GTF3C3: variants seen among roughly 807,000 people sequenced by gnomAD.
GTF3C3 encodes the protein general transcription factor IIIC subunit 3.
Under a neutral mutation model 105.2 loss-of-function variants are expected in GTF3C3, and 75 were observed. The observed-to-expected ratio is 0.71, with a 90% confidence interval of 0.59 to 0.86. The LOEUF is 0.86. GTF3C3 is among the 40% of genes least tolerant of loss of function. The pLI is 0.00. For missense variants in GTF3C3, 856 were observed against 1,076.5 expected, an observed-to-expected ratio of 0.80 and a Z score of 2.87; for synonymous variants, 335 against 370.4, an observed-to-expected ratio of 0.90 and a Z score of 1.10.
Position 196,775,159 on chromosome 2 carries a change from T to C in GTF3C3, c.1788A>G (p.Ile596Met), listed in dbSNP as rs1437123086. Residue 596 changes from isoleucine (I) to methionine (M), a missense_variant, in exon 13 of 18, where the codon ATA (isoleucine) becomes ATG (methionine). This residue lies in a region of GTF3C3 where 605 missense variants were observed against 833.6 expected (regional missense o/e 0.73). Transcript: ENST00000263956. The stretch of plus-strand genomic sequence containing the variant: ...CTGACTCTTGGTCATTGCTGTCTGA[T>C]ATTTTGTCTCTCGATACTTTAATAA... ...LYLIKVSRDK[I>M]SDSNDQESAN... 3 of 1,613,256 alleles carry C rather than the reference T, an allele frequency of 1.9e-6. No individual in the cohort carries two copies. Among genetic ancestry groups the C allele is most frequent in the East Asian group, 2.2e-5 (1 of 44,840 alleles).
Position 196,784,926 on chromosome 2 carries a change from T to A in GTF3C3, c.1045A>T (p.Ile349Phe). The change falls in exon 8 of 18, where the codon ATT becomes TTT. Residue 349 changes from isoleucine (I) to phenylalanine (F), a missense_variant. Ile to Phe is a conservative substitution (Grantham distance 21). Coordinates refer to ENST00000263956, the MANE Select transcript of GTF3C3 (RefSeq NM_012086.5). The stretch of plus-strand genomic sequence containing the variant: ...AGCACAATTCCAGAAAAATCTGTAA[T>A]TATCTAAAAGAATGGGAAAGAAGAA... ...NKQYDKALEI[I>F]TDFSGIVLEK... is the part of the protein sequence containing the mutation. 1 of 1,591,344 alleles carries A rather than the reference T, an allele frequency of 6.3e-7. No individual in the cohort carries two copies. Among genetic ancestry groups the A allele is most frequent in the Non-Finnish European group, 8.6e-7 (1 of 1,161,014 alleles).
intron 8 of GTF3C3, among the ~76,000 whole-genome samples, chr2:196,781,355 A>ATATATAT (rs1442698575): frequency 0.016 from 491 of 30,850 alleles, 2 homozygotes; most frequent in Non-Finnish European, 0.028. Flanking sequence ...AAAAAAAAAA[A>ATATATAT]AAATATATAT....
At chr2:196,775,581 C>G (rs532146657) in intron 12 of GTF3C3, among the ~76,000 whole-genome samples, 1 of 152,222 alleles carries the variant, frequency 6.6e-6, no homozygotes, top group African/African-American at 2.4e-5. Flanking sequence ...GGGTCACATT[C>G]CTCACCTCAG....
rs1699021972 is a variant in GTF3C3, at chr2:196,764,362, G to A, written c.*201C>T. On this transcript the variant is annotated 3_prime_UTR_variant, in exon 18 of 18. Coordinates refer to ENST00000263956, the MANE Select transcript of GTF3C3 (RefSeq NM_012086.5). ...TATAGAATGTGAAAGGAAAATGACA[G>A]ACCAATATACAAATTTTTGTAGGAA... 8.9e-6 allele frequency: 4 copies of A among 451,570 alleles called. No homozygotes were observed. The highest frequency in any genetic ancestry group is 7.8e-6 in the Non-Finnish European group (2 of 257,522). 28.0% of individuals were successfully genotyped at this position (451,570 alleles called of 1,614,324 possible). A position where few individuals can be genotyped will look rare whatever the true frequency, so the allele number is the denominator to read the frequency against.
In GTF3C3 at chr2:196,764,460, A is replaced by AC; in HGVS notation, c.*102_*103insG. ...ATACACTGTTTGTTAGGTAATTCTG[A>AC]AATTGTCATTTCTATTTTGGAGTTA... On this transcript the variant is annotated 3_prime_UTR_variant, in exon 18 of 18. Transcript: ENST00000263956. 1 of 1,044,564 alleles carries AC rather than the reference A, an allele frequency of 9.6e-7. No individual in the cohort carries two copies. Among genetic ancestry groups the AC allele is most frequent in the Non-Finnish European group, 1.3e-6 (1 of 740,750 alleles). The allele number at this position is 1,044,564 out of a possible 1,614,324, so 64.7% of individuals were successfully genotyped here.
chr2:196,768,748 T>G (rs1699116477), intron 16 of GTF3C3, among the ~76,000 whole-genome samples: 1 of 152,126 alleles, frequency 6.6e-6, no homozygotes, highest in African/African-American at 2.4e-5. Context: ...AACCTCCTAT[T>G]TAACTATAAA....
At chr2:196,768,607 C>T (rs1699114486) in intron 16 of GTF3C3, among the ~76,000 whole-genome samples, 1 of 152,002 alleles carries the variant, frequency 6.6e-6, no homozygotes. Context: ...AGAAATGATG[C>T]TATTTACAAT....
rs183004930 is a variant in GTF3C3, at chr2:196,790,498, C to T, written c.536-428G>A. On this transcript the variant is annotated intron_variant, in intron 4 of 17. Transcript: ENST00000263956. Reference sequence around the variant, plus strand: ...AGATGATACCTAAGCAGCAGCTAAACGGATATCAAAGTGACTGGCTAATCT... The same window carrying T: ...AGATGATACCTAAGCAGCAGCTAAATGGATATCAAAGTGACTGGCTAATCT... Among the ~76,000 whole-genome samples, 80 of 152,226 alleles carry T rather than the reference C, an allele frequency of 5.3e-4. 1 individual carries two copies. Among genetic ancestry groups the T allele is most frequent in the Admixed American group, 2.9e-3 (44 of 15,282 alleles).
At chr2:196,785,646 T>C in intron 6 of GTF3C3, 58 bp from the exon 7 acceptor site, 1 of 1,069,618 alleles carries the variant, frequency 9.3e-7, no homozygotes, top group Non-Finnish European at 1.4e-6. Context: ...TAAAACTCAT[T>C]TCCTTGCTTA....
At chr2:196,788,805 G>T (rs913280090) in intron 6 of GTF3C3, among the ~76,000 whole-genome samples, 1 of 152,108 alleles carries the variant, frequency 6.6e-6, no homozygotes, top group African/African-American at 2.4e-5. Context: ...TGGCTCATAT[G>T]TGTAATCCTA....
chr2:196,777,351 C>T (rs1249729722), intron 10 of GTF3C3, among the ~76,000 whole-genome samples: 1 of 152,192 alleles, frequency 6.6e-6, no homozygotes, highest in East Asian at 1.9e-4. Flanking sequence ...TCATCCCACT[C>T]AATTAGTTCC....
chr2:196,773,800 C>T (rs1211441697), intron 13 of GTF3C3: 9 of 264,080 alleles, frequency 3.4e-5, no homozygotes, highest in South Asian at 1.2e-4. Flanking sequence ...CTAGATCCCT[C>T]GCATGGGCAG....
At position 196,764,631 on chromosome 2, in the gene GTF3C3, G is replaced by C. The variant is rs769699867; in HGVS notation, c.2593C>G (p.Leu865Val). Residue 865 changes from leucine (L) to valine (V), a missense_variant, in exon 18 of 18, where the codon CTC becomes GTC. Physicochemically the swap from Leu to Val is conservative, Grantham distance 32 (BLOSUM62 1). This residue lies in a region of GTF3C3 where 134 missense variants were observed against 128.9 expected (regional missense o/e 1.04). Transcript: ENST00000263956. ...GTATTCCCACTGCTCTGATAGATGA[G>C]AGACAAGTTGTAGGCAATATCTCTT... ...LRRDIAYNLS[L>V]IYQSSGNTGM... The C allele has an allele frequency of 6.8e-6, 11 of 1,612,678 alleles. No individual in the cohort carries two copies. In the East Asian group the frequency reaches 1.6e-4, roughly 23 times the overall value.
intron 1 of GTF3C3, 41 bp downstream of exon 1, chr2:196,799,469 G>A (rs1279614974): frequency 2.7e-6 from 4 of 1,458,458 alleles, no homozygotes; most frequent in Non-Finnish European, 2.9e-6. Flanking sequence ...GGGTATGAAG[G>A]CAACAAGAGT....
At chr2:196,788,917 A>G (rs993917626) in intron 6 of GTF3C3, among the ~76,000 whole-genome samples, 1 of 152,098 alleles carries the variant, frequency 6.6e-6, no homozygotes, top group Non-Finnish European at 1.5e-5. Flanking sequence ...AAAATTAAAA[A>G]TTAGCCGGGT....
chr2:196,791,615 A>G (rs1699550256), intron 3 of GTF3C3, among the ~76,000 whole-genome samples, 155 bp from the exon 4 acceptor site: 1 of 152,176 alleles, frequency 6.6e-6, no homozygotes, highest in South Asian at 2.1e-4. Flanking sequence ...TGCAATTCTA[A>G]TTGACTCTTT....
At chr2:196,780,815 A>T (rs775154842) in intron 8 of GTF3C3, 153 bp from the exon 9 acceptor site, 2 of 868,480 alleles carry the variant, frequency 2.3e-6, no homozygotes, top group Non-Finnish European at 3.3e-6. Flanking sequence ...TATCTCTCTC[A>T]GTCTGTCCTT....
chr2:196,775,151 C>A lies in GTF3C3; in HGVS notation c.1796G>T (p.Ser599Ile). Residue 599 changes from serine to isoleucine, a missense_variant, in exon 13 of 18, where the codon AGC becomes ATC. Around this residue, in one of 3 missense-constraint regions of GTF3C3, gnomAD observed 605 missense variants for 833.6 expected, o/e 0.73. Coordinates refer to ENST00000263956, the MANE Select transcript of GTF3C3 (RefSeq NM_012086.5). ...IKVSRDKISDSNDQESANCDA... is the reference protein window; with the variant it reads ...IKVSRDKISDINDQESANCDA... ...ACAATTTGCTGACTCTTGGTCATTG[C>A]TGTCTGATATTTTGTCTCTCGATAC... is the stretch of plus-strand genomic sequence containing the variant. 6.2e-7 allele frequency: 1 copy of A among 1,612,814 alleles called. No homozygotes were observed.
Position 196,771,683 on chromosome 2 carries a change from A to G in GTF3C3, c.2260+65T>C, listed in dbSNP as rs899629448. The stretch of plus-strand genomic sequence containing the variant: ...CTGATAATTAACCCAGACAGTTCCA[A>G]TCCAGAGGCTAGGCTCTTCACCACA... On this transcript the variant is annotated intron_variant, in intron 15 of 17. Transcript: ENST00000263956. 16 of 1,111,284 alleles carry G rather than the reference A, an allele frequency of 1.4e-5. No homozygotes were observed. In the East Asian group the frequency reaches 3.1e-4, roughly 22 times the overall value. 68.8% of individuals were successfully genotyped at this position (1,111,284 alleles called of 1,614,324 possible).
Sources: gnomAD v4.1 joint callset for allele counts (sites outside exome capture counted in the v4.1 genomes callset) on GRCh38, gnomAD v4.1.1 for gene constraint, gnomAD v4.1.1 regional missense constraint, MANE v1.5 for transcripts, NCBI Gene and HGNC (gene_info 2026-07-23, HGNC 2026-07-21) for gene names.